Variants in SLC28A3 observed in about 807,000 individuals in gnomAD.
SLC28A3 encodes the protein concentrative Na(+)-nucleoside cotransporter 3.
Under a neutral mutation model 84.2 loss-of-function variants are expected in SLC28A3, and 68 were observed. The observed-to-expected ratio is 0.81, with a 90% CI of 0.66 to 0.99. The LOEUF is 0.99. SLC28A3 is among the 50% of genes least tolerant of loss of function. The probability of loss-of-function intolerance (pLI) is 0.00; values close to 1 mark genes in which losing one functional copy is unlikely to be tolerated. For synonymous variants in SLC28A3, 267 were observed against 303.6 expected (o/e 0.88, Z 1.25); for missense variants, 712 against 841.5 (o/e 0.85, Z 1.90).
intron 9 of SLC28A3, 74 bp from the exon 10 acceptor site, chr9:84,292,822 C>T: frequency 1.0e-6 from 1 of 1,003,312 alleles, no homozygotes; most frequent in East Asian, 2.8e-5. Context: ...GGATTAAAAT[C>T]CTTAAACTGG....
chr9:84,354,719 T>C, the SLC28A3 span, among the ~76,000 whole-genome samples: 2 of 151,916 alleles, frequency 1.3e-5, no homozygotes, highest in South Asian at 2.1e-4. Flanking sequence ...TGGTGGCGTG[T>C]GCCTGTAATC....
chr9:84,336,347 CA>C (rs5898855), intron 1 of SLC28A3, among the ~76,000 whole-genome samples: 124,413 of 152,026 alleles, frequency 0.82, 50,913 homozygotes, highest in Admixed American at 0.87. Context: ...ACTAAAAATA[CA>C]AAAAAAGTAG....
Position 84,292,733 on chromosome 9 carries a change from G to C in SLC28A3, c.958C>G (p.Leu320Val). The C allele has an allele frequency of 1.3e-6, 2 of 1,580,518 alleles. No homozygotes were observed. Among genetic ancestry groups the C allele is most frequent in the Non-Finnish European group, 1.7e-6 (2 of 1,167,860 alleles). The change falls in exon 10 of 18, where the codon CTA becomes GTA. Residue 320 changes from leucine to valine, a missense_variant. By Grantham distance (32) the Leu-to-Val change is conservative. Transcript: ENST00000376238. ...ATAGGAGATGATCCCGTAGTAACTA[G>C]CATGATCCATCCAACCTAAAAGGAA... ...WIIRKVGWIM[L>V]VTTGSSPIES...
At chr9:84,361,501 G>A in the SLC28A3 span, among the ~76,000 whole-genome samples, 1 of 152,084 alleles carries the variant, frequency 6.6e-6, no homozygotes, top group African/African-American at 2.4e-5. Context: ...TGTACCTACC[G>A]TTGAAGCCAT....
intron 1 of SLC28A3, among the ~76,000 whole-genome samples, chr9:84,339,493 G>T (rs1827087443): frequency 6.6e-6 from 1 of 152,082 alleles, no homozygotes; most frequent in Non-Finnish European, 1.5e-5. Context: ...CAAATGATCA[G>T]CCCGCCTCAG....
intron 1 of SLC28A3, among the ~76,000 whole-genome samples, chr9:84,317,583 T>G (rs558504844): frequency 1.3e-5 from 2 of 152,242 alleles, no homozygotes; most frequent in African/African-American, 4.8e-5. Context: ...TCAGTTCTTG[T>G]GGTGGGGGTT....
chr9:84,297,950 C>T lies in SLC28A3; in HGVS notation c.739G>A (p.Asp247Asn). Residue 247 changes from aspartate (D) to asparagine (N), a missense_variant, in exon 7 of 18, where the codon GAC (aspartate) becomes AAC (asparagine). By Grantham distance (23) the Asp-to-Asn change is conservative. Coordinates refer to ENST00000376238, the MANE Select transcript of SLC28A3 (RefSeq NM_001199633.2). ...CAATCAAAAGCTATAAATCCAGGGT[C>T]AGTCCTTAGAATCAAGAGCCCAAGA... ...FLLGLLILRTDPGFIAFDWLG... is the reference protein window; with the variant it reads ...FLLGLLILRTNPGFIAFDWLG... 6.2e-7 allele frequency: 1 copy of T among 1,611,988 alleles called. No homozygotes were observed. Among genetic ancestry groups the T allele is most frequent in the Non-Finnish European group, 8.5e-7 (1 of 1,179,584 alleles).
chr9:84,280,191 T>TC, intron 15 of SLC28A3, 118 bp from the exon 16 acceptor site: 1 of 747,272 alleles, frequency 1.3e-6, no homozygotes, highest in Non-Finnish European at 2.1e-6. Flanking sequence ...TTTTTTTTCT[T>TC]TAACTTAGCT....
At chr9:84,315,414 A>T (rs1248758470) in intron 1 of SLC28A3, among the ~76,000 whole-genome samples, 2 of 152,138 alleles carry the variant, frequency 1.3e-5, no homozygotes, top group African/African-American at 4.8e-5. Context: ...ACATTTTCTA[A>T]TTCTATTAGG....
intron 14 of SLC28A3, 123 bp downstream of exon 14, chr9:84,285,222 T>C (rs977161549): frequency 3.7e-5 from 33 of 880,408 alleles, no homozygotes; most frequent in Middle Eastern, 3.5e-4. Context: ...GGATTTTAGG[T>C]TGTTTTGCTC....
intron 1 of SLC28A3, among the ~76,000 whole-genome samples, chr9:84,335,712 C>CGTGTGTGTGT (rs56259271): frequency 3.4e-4 from 51 of 148,932 alleles, no homozygotes; most frequent in Non-Finnish European, 6.1e-4. Context: ...TATGTATATA[C>CGTGTGTGTGT]GTGTGTGTGT....
chr9:84,310,139 A>G (rs771671079), intron 2 of SLC28A3, among the ~76,000 whole-genome samples: 3 of 152,084 alleles, frequency 2.0e-5, no homozygotes, highest in Non-Finnish European at 4.4e-5. Flanking sequence ...AGCTGGATTT[A>G]TTTCCCCGGC....
chr9:84,367,707 A>G, the SLC28A3 span, among the ~76,000 whole-genome samples: 5 of 152,208 alleles, frequency 3.3e-5, no homozygotes, highest in Admixed American at 2.6e-4. Context: ...GCAGGAAAAC[A>G]TATGAGCAAG....
At chr9:84,304,873 T>C (rs1169166709) in intron 4 of SLC28A3, among the ~76,000 whole-genome samples, 1 of 152,008 alleles carries the variant, frequency 6.6e-6, no homozygotes, top group Non-Finnish European at 1.5e-5. Context: ...AATACAAAAA[T>C]TAGCCGGGTG....
At position 84,276,637 on chromosome 9, in the gene SLC28A3, G is replaced by A. The variant is rs1287613605; in HGVS notation, c.*1581C>T. ...AAAATAAAGTCTGAAGACTGCAAGG[G>A]CACATTGAGCTCCAAGGAAAATTGA... On this transcript the variant is annotated 3_prime_UTR_variant, in exon 18 of 18. Transcript: ENST00000376238. 1 of 152,088 alleles carries A rather than the reference G, an allele frequency of 6.6e-6. No individual in the cohort carries two copies. The highest frequency in any genetic ancestry group is 6.6e-5 in the Admixed American group (1 of 15,264). The allele number at this position is 152,088 out of a possible 1,614,324, so 9.4% of individuals were successfully genotyped here.
intron 17 of SLC28A3, 92 bp downstream of exon 17, chr9:84,279,172 CA>C (rs11309306): frequency 0.2 from 182,426 of 932,596 alleles, 1,668 homozygotes; most frequent in East Asian, 0.34. Context: ...GACTCCGTCT[CA>C]AAAAAAAAAA....
intron 10 of SLC28A3, 74 bp from the exon 11 acceptor site, chr9:84,290,353 C>T: frequency 6.4e-7 from 1 of 1,562,444 alleles, no homozygotes; most frequent in Non-Finnish European, 8.7e-7. Context: ...CCAATCTACT[C>T]ACAATTTTAT....
chr9:84,288,975 T>G (rs1287389383), intron 11 of SLC28A3, among the ~76,000 whole-genome samples: 1 of 152,178 alleles, frequency 6.6e-6, no homozygotes, highest in African/African-American at 2.4e-5. Context: ...CCTTGGTGCC[T>G]TTACACAATC....
chr9:84,345,342 G>C (rs149580117), upstream of SLC28A3, among the ~76,000 whole-genome samples: 5 of 152,188 alleles, frequency 3.3e-5, no homozygotes, highest in East Asian at 7.7e-4. Flanking sequence ...GAAGAAACCA[G>C]TTGGTGCAAC....
Sources: gnomAD v4.1 joint callset for allele counts (sites outside exome capture counted in the v4.1 genomes callset) on GRCh38, gnomAD v4.1.1 for gene constraint, MANE v1.5 for transcripts, NCBI Gene and HGNC (gene_info 2026-07-23, HGNC 2026-07-21) for gene names.